THADA: variants seen among roughly 807,000 people sequenced by gnomAD.
THADA encodes the protein THADA armadillo repeat containing.
In THADA, 213 loss-of-function variants were observed where a neutral mutation model predicts 219.8. The ratio of observed to expected loss-of-function variants is 0.97; its 90% CI spans 0.87 to 1.09. The LOEUF is 1.09. Ranked by LOEUF, THADA falls within the 50% of genes least tolerant of loss-of-function variation. The probability of loss-of-function intolerance (pLI) is 0.00; values close to 1 mark genes in which losing one functional copy is unlikely to be tolerated. For missense variants in THADA, 2,956 were observed against 2,311.3 expected (o/e 1.28, Z -5.72); for synonymous variants, 1,018 against 828.9 (o/e 1.23, Z -3.92).
intron 25 of THADA, among the ~76,000 whole-genome samples, 177 bp downstream of exon 25, chr2:43,498,656 G>T (rs2105060410): frequency 6.6e-6 from 1 of 151,992 alleles, no homozygotes; most frequent in Middle Eastern, 3.4e-3. Context: ...CAACAAATGA[G>T]TGAAAATGGA....
At chr2:43,463,180 T>C (rs1457918267) in intron 26 of THADA, 1 of 152,238 alleles carries the variant, frequency 6.6e-6, no homozygotes, top group Non-Finnish European at 1.5e-5. Context: ...TGTTCATTCA[T>C]AATTACTTGA....
At chr2:43,507,016 C>T (rs903359661) in intron 23 of THADA, among the ~76,000 whole-genome samples, 3 of 152,128 alleles carry the variant, frequency 2.0e-5, no homozygotes, top group Non-Finnish European at 4.4e-5. Flanking sequence ...ATTTTTTAAT[C>T]TGTCTACACA....
intron 26 of THADA, among the ~76,000 whole-genome samples, chr2:43,468,768 T>A (rs1002559556): frequency 6.6e-6 from 1 of 152,142 alleles, no homozygotes. Flanking sequence ...CTGGGGCACA[T>A]CAGGAAGGGT....
intron 31 of THADA, among the ~76,000 whole-genome samples, chr2:43,314,525 T>C (rs1419070209): frequency 3.3e-5 from 5 of 152,156 alleles, no homozygotes; most frequent in African/African-American, 1.2e-4. Flanking sequence ...GTCAAAGGGG[T>C]AAATATTTAG....
chr2:43,572,857 G>C lies in THADA; in HGVS notation c.1865C>G (p.Ser622Cys). The C allele has an allele frequency of 6.2e-7, 1 of 1,613,856 alleles. No individual in the cohort carries two copies. The highest frequency in any genetic ancestry group is 1.1e-5 in the South Asian group (1 of 91,052). Residue 622 changes from serine to cysteine, a missense_variant, in exon 12 of 38, where the codon TCT (serine) becomes TGT (cysteine). Physicochemically the swap from Ser to Cys is moderately radical, Grantham distance 112 (BLOSUM62 -1). Transcript: ENST00000405975. ...TAAGCCTTGCTTTATTCTTGCATCA[G>C]ACACGAGGTTCTCCCAGGTATCAGT... Reference protein sequence around the residue: ...SATDTWENLVSDARIKQGLIH... With the variant: ...SATDTWENLVCDARIKQGLIH...
chr2:43,341,790 T>C (rs2104529626), intron 30 of THADA, among the ~76,000 whole-genome samples: 1 of 152,302 alleles, frequency 6.6e-6, no homozygotes, highest in Middle Eastern at 3.4e-3. Context: ...GCCTATTACC[T>C]GGCAAACAGC....
chr2:43,303,311 A>G (rs953073630), intron 31 of THADA, among the ~76,000 whole-genome samples: 1 of 152,192 alleles, frequency 6.6e-6, no homozygotes, highest in Non-Finnish European at 1.5e-5. Context: ...ATGAACAGTC[A>G]TTGTGAAAGT....
At chr2:43,565,980 C>T (rs1873557) in intron 15 of THADA, 50,064 of 153,040 alleles carry the variant, frequency 0.33, 8,553 homozygotes, top group African/African-American at 0.42. Flanking sequence ...CCCAGCTACT[C>T]GGGAGGCTGA....
intron 29 of THADA, among the ~76,000 whole-genome samples, chr2:43,375,736 C>G (rs1298628097): frequency 6.6e-6 from 1 of 152,228 alleles, no homozygotes; most frequent in Non-Finnish European, 1.5e-5. Flanking sequence ...TGACTTTCCT[C>G]TGCTGGGCAG....
intron 30 of THADA, among the ~76,000 whole-genome samples, chr2:43,321,933 T>G (rs752956912): frequency 5.3e-5 from 8 of 152,222 alleles, no homozygotes; most frequent in Non-Finnish European, 1.2e-4. Context: ...TCCTTCTCAT[T>G]TCCTATAAAC....
intron 29 of THADA, among the ~76,000 whole-genome samples, chr2:43,376,700 A>G (rs1340951598): frequency 6.6e-6 from 1 of 152,202 alleles, no homozygotes; most frequent in African/African-American, 2.4e-5. Context: ...GGCAACCTAG[A>G]TACATTACAA....
intron 17 of THADA, chr2:43,556,069 C>T: frequency 1.4e-6 from 1 of 690,322 alleles, no homozygotes; most frequent in South Asian, 4.3e-5. Flanking sequence ...GAAAAAAGCA[C>T]ACTTTTGGTG....
intron 31 of THADA, among the ~76,000 whole-genome samples, chr2:43,312,352 C>T (rs1677613575): frequency 6.6e-6 from 1 of 152,164 alleles, no homozygotes; most frequent in Non-Finnish European, 1.5e-5. Context: ...TATATGAGGC[C>T]TTTAACTTTG....
intron 29 of THADA, among the ~76,000 whole-genome samples, chr2:43,355,521 C>T (rs1668777980): frequency 6.6e-6 from 1 of 152,178 alleles, no homozygotes; most frequent in Non-Finnish European, 1.5e-5. Context: ...ATCCTTTTAT[C>T]CATATTTGCT....
chr2:43,390,792 C>A (rs111468312), intron 29 of THADA, among the ~76,000 whole-genome samples: 2,525 of 152,228 alleles, frequency 0.017, 39 homozygotes, highest in Middle Eastern at 0.034. Context: ...GTCCAAGCAC[C>A]CAGAACAGTG....
intron 31 of THADA, among the ~76,000 whole-genome samples, chr2:43,308,754 ATAC>A (rs1436689767): frequency 3.5e-5 from 3 of 85,630 alleles, no homozygotes; most frequent in Non-Finnish European, 7.1e-5. Flanking sequence ...TTGGATACCC[ATAC>A]CAAAAAAAAA....
At chr2:43,595,771 G>C (rs890347865) in intron 1 of THADA, 160 bp downstream of exon 1, 3 of 152,356 alleles carry the variant, frequency 2.0e-5, no homozygotes, top group African/African-American at 7.2e-5. Context: ...TTAAAGTGCT[G>C]TCTCCATGGA....
At position 43,293,123 on chromosome 2, in the gene THADA, G is replaced by C. The variant is rs369662844; in HGVS notation, c.4529C>G (p.Pro1510Arg). The change falls in exon 32 of 38, where the codon CCA (proline) becomes CGA (arginine). Residue 1510 changes from proline (P) to arginine (R), a missense_variant. Coordinates refer to ENST00000405975, the MANE Select transcript of THADA (RefSeq NM_022065.5). Reference protein sequence around the residue: ...ITGFPWAFKVPGLPQYLQSLT... With the variant: ...ITGFPWAFKVRGLPQYLQSLT... ...GCTCTGGAGGTACTGGGGCAGGCCT[G>C]GCACCTTGAAGGCCCAAGGGAATCC... is the stretch of plus-strand genomic sequence containing the variant. The C allele has an allele frequency of 6.2e-7, 1 of 1,613,870 alleles. No homozygotes were observed. Among genetic ancestry groups the C allele is most frequent in the Non-Finnish European group, 8.5e-7 (1 of 1,179,898 alleles).
intron 26 of THADA, among the ~76,000 whole-genome samples, chr2:43,467,682 G>A (rs919022424): frequency 6.6e-6 from 1 of 152,208 alleles, no homozygotes; most frequent in African/African-American, 2.4e-5. Context: ...CTGTTTTGAG[G>A]CTCACAGTAT....
Sources: gnomAD v4.1 joint callset for allele counts (sites outside exome capture counted in the v4.1 genomes callset) on GRCh38, gnomAD v4.1.1 for gene constraint, MANE v1.5 for transcripts, NCBI Gene and HGNC (gene_info 2026-07-23, HGNC 2026-07-21) for gene names.